The following PTPRT variants were observed in gnomAD, a reference collection of about 807,000 sequenced individuals.
PTPRT encodes the protein protein tyrosine phosphatase receptor type T, also known as receptor-type tyrosine-protein phosphatase T.
PTPRT carries 56 observed loss-of-function variants against 176.8 expected under a neutral mutation model. That is an observed-to-expected ratio of 0.32 (90% confidence interval 0.26 to 0.40). PTPRT has a LOEUF of 0.40. Among genes scored for constraint, PTPRT ranks in the 10% least tolerant of loss-of-function variants. PTPRT has a pLI of 1.00. For synonymous variants in PTPRT, 783 were observed against 739.0 expected, an observed-to-expected ratio of 1.06 and a Z score of -0.96; for missense variants, 1,540 against 1,908.2, an observed-to-expected ratio of 0.81 and a Z score of 3.60.
chr20:42,070,981 C>T (rs946071450), downstream of PTPRT, among the ~76,000 whole-genome samples: 10 of 152,182 alleles, frequency 6.6e-5, no homozygotes, highest in Admixed American at 2.0e-4. Flanking sequence ...AGGCAGACTA[C>T]GTGAGATTAA....
At chr20:42,228,644 A>G (rs1312448835) in intron 15 of PTPRT, among the ~76,000 whole-genome samples, 1 of 152,262 alleles carries the variant, frequency 6.6e-6, no homozygotes, top group Non-Finnish European at 1.5e-5. Flanking sequence ...CATGGATATT[A>G]ACTAACTTCT....
intron 15 of PTPRT, among the ~76,000 whole-genome samples, chr20:42,226,563 A>G (rs1230682306): frequency 3.9e-5 from 6 of 152,238 alleles, no homozygotes; most frequent in Admixed American, 2.6e-4. Flanking sequence ...TCCTTCCATT[A>G]AAAGCACTAT....
At chr20:42,679,124 C>G (rs1569078025) in intron 6 of PTPRT, among the ~76,000 whole-genome samples, 1 of 152,182 alleles carries the variant, frequency 6.6e-6, no homozygotes, top group Non-Finnish European at 1.5e-5. Context: ...ACGCAGTCAG[C>G]TAAGTAGACC....
At chr20:42,390,468 T>C (rs555129614) in intron 9 of PTPRT, among the ~76,000 whole-genome samples, 1 of 152,312 alleles carries the variant, frequency 6.6e-6, no homozygotes, top group South Asian at 2.1e-4. Context: ...GGTAGTCAGC[T>C]CCCAAGATGG....
At chr20:43,009,391 C>T (rs1985010396) in intron 1 of PTPRT, among the ~76,000 whole-genome samples, 1 of 152,132 alleles carries the variant, frequency 6.6e-6, no homozygotes, top group Admixed American at 6.5e-5. Flanking sequence ...GGGGTAAAGG[C>T]CTATCAATAA....
chr20:42,842,582 A>G (rs11698741), intron 2 of PTPRT, among the ~76,000 whole-genome samples: 13,235 of 151,804 alleles, frequency 0.087, 696 homozygotes, highest in Admixed American at 0.15. Flanking sequence ...ACCATGCCCA[A>G]CAAATTTTTG....
At chr20:42,180,148 C>T (rs1757233133) in intron 16 of PTPRT, among the ~76,000 whole-genome samples, 1 of 152,144 alleles carries the variant, frequency 6.6e-6, no homozygotes, top group African/African-American at 2.4e-5. Flanking sequence ...TTTTTGGAAG[C>T]ACCATGGTTT....
rs2072821858 is a variant in PTPRT at position 42,554,264 on chromosome 20, A to C, written c.1154-81702T>G. On this transcript the variant is annotated intron_variant, in intron 7 of 30. Coordinates refer to ENST00000373187, the MANE Select transcript of PTPRT (RefSeq NM_007050.6). The stretch of plus-strand genomic sequence containing the variant: ...TCTGTATGTCTTTGTGTATCCAAAA[A>C]GCACTTGTACCCCCAAACCTACTGA... 2.0e-5 allele frequency among the ~76,000 whole-genome samples: 3 copies of C among 152,144 alleles called. No individual in the cohort carries two copies. The South Asian group carries it at 6.2e-4, about 32-fold the overall frequency.
intron 21 of PTPRT, 119 bp from the exon 22 acceptor site, chr20:42,115,434 CT>C: frequency 1.3e-6 from 1 of 762,588 alleles, no homozygotes; most frequent in East Asian, 2.6e-5. Flanking sequence ...CCAAGGGTGA[CT>C]TTGGTGGCAT....
intron 18 of PTPRT, among the ~76,000 whole-genome samples, chr20:42,130,376 T>C (rs1988069072): frequency 6.6e-6 from 1 of 152,144 alleles, no homozygotes; most frequent in Non-Finnish European, 1.5e-5. Flanking sequence ...AGTGGGATTC[T>C]AGTAGGAGCT....
At chr20:42,665,573 C>G (rs1302586790) in intron 7 of PTPRT, among the ~76,000 whole-genome samples, 1 of 152,094 alleles carries the variant, frequency 6.6e-6, no homozygotes, top group Admixed American at 6.6e-5. Context: ...TACCATTTGA[C>G]CCAGCCATCC....
intron 1 of PTPRT, among the ~76,000 whole-genome samples, chr20:43,024,200 A>G (rs778925665): frequency 1.3e-5 from 2 of 152,224 alleles, no homozygotes; most frequent in Non-Finnish European, 2.9e-5. Flanking sequence ...ATAATGGAGC[A>G]ATACTAGTGC....
intron 1 of PTPRT, among the ~76,000 whole-genome samples, chr20:43,097,647 G>T (rs1420204411): frequency 1.3e-5 from 2 of 152,150 alleles, no homozygotes; most frequent in Admixed American, 6.5e-5. Flanking sequence ...GGGCAGCCAG[G>T]CTCTTCCACA....
At chr20:42,086,753 A>ATATATATATATATATATATATAT (rs60067837) in intron 27 of PTPRT, among the ~76,000 whole-genome samples, 4 of 95,534 alleles carry the variant, frequency 4.2e-5, no homozygotes, top group Admixed American at 1.0e-4. Flanking sequence ...AAAAAAAAAA[A>ATATATATATATATATATATATAT]ATATATATAT....
At chr20:42,228,764 T>C (rs1353169022) in intron 15 of PTPRT, among the ~76,000 whole-genome samples, 1 of 152,192 alleles carries the variant, frequency 6.6e-6, no homozygotes, top group Non-Finnish European at 1.5e-5. Context: ...ATCAACACAA[T>C]CTTATGATGC....
At chr20:42,552,433 G>A (rs533505239) in intron 7 of PTPRT, among the ~76,000 whole-genome samples, 2 of 152,180 alleles carry the variant, frequency 1.3e-5, no homozygotes, top group Admixed American at 6.5e-5. Flanking sequence ...TTAAGTGTGT[G>A]AAAAATATCC....
At position 42,074,701 on chromosome 20, in the gene PTPRT, T is replaced by A; in HGVS notation, c.*6178A>T. On this transcript the variant is annotated 3_prime_UTR_variant, in exon 31 of 31. Coordinates refer to ENST00000373187, the MANE Select transcript of PTPRT (RefSeq NM_007050.6). ...TAGGTTTGGAGGCTACCATTGTGAG[T>A]GTTGATGCCTCCTTTTAGAGACCTA... The A allele has an allele frequency of 2.5e-6, 1 of 398,438 alleles. No individual in the cohort carries two copies. The highest frequency in any genetic ancestry group is 3.6e-5 in the East Asian group (1 of 28,060). 24.7% of individuals were successfully genotyped at this position (398,438 alleles called of 1,614,324 possible).
intron 1 of PTPRT, among the ~76,000 whole-genome samples, chr20:43,049,880 A>G (rs1383021137): frequency 6.6e-6 from 1 of 152,250 alleles, no homozygotes; most frequent in Non-Finnish European, 1.5e-5. Context: ...GACTATAGAA[A>G]TTAGACTAAT....
At position 43,088,587 on chromosome 20, in the gene PTPRT, G is replaced by T. The variant is rs143944513; in HGVS notation, c.88+101059C>A. On this transcript the variant is annotated intron_variant, in intron 1 of 30. Transcript: ENST00000373187. Reference sequence around the variant, plus strand: ...GTTCTGAAATCAAATTCCCACTTTTGGCCCTTTAACTCTGACTCTACTGCC... The same window carrying T: ...GTTCTGAAATCAAATTCCCACTTTTTGCCCTTTAACTCTGACTCTACTGCC... Among the ~76,000 whole-genome samples the T allele has an allele frequency of 1.5e-4, 23 of 152,118 alleles. No homozygotes were observed. The East Asian group carries it at 3.7e-3, about 24-fold the overall frequency.
Sources: allele counts gnomAD v4.1 joint callset (sites outside exome capture counted in the v4.1 genomes callset), GRCh38; gene constraint gnomAD v4.1.1; transcripts MANE v1.5; gene names NCBI Gene and HGNC (gene_info 2026-07-23, HGNC 2026-07-21).